Variants in KAZN observed in about 807,000 individuals in gnomAD.
KAZN encodes kazrin.
KAZN carries 40 observed loss-of-function variants against 87.4 expected under a neutral mutation model. The ratio of observed to expected loss-of-function variants is 0.46; its 90% confidence interval spans 0.36 to 0.60. The LOEUF (loss-of-function observed/expected upper bound fraction) is 0.60. Among genes scored for constraint, KAZN ranks in the 20% least tolerant of loss-of-function variants. The pLI is 0.00. For missense variants in KAZN, 898 were observed against 1,073.9 expected, an observed-to-expected ratio of 0.84 and a Z score of 2.29; for synonymous variants, 466 against 458.3, an observed-to-expected ratio of 1.02 and a Z score of -0.22.
At chr1:14,031,752 C>T (rs1009957215) in intron 1 of KAZN, among the ~76,000 whole-genome samples, 2 of 152,188 alleles carry the variant, frequency 1.3e-5, no homozygotes, top group South Asian at 4.1e-4. Context: ...TTTCTTGAGA[C>T]TCTGCTTCAA....
intron 1 of KAZN, among the ~76,000 whole-genome samples, chr1:14,120,060 ATATTGTAT>A (rs1644717962): frequency 6.6e-6 from 1 of 152,196 alleles, no homozygotes; most frequent in Non-Finnish European, 1.5e-5. Context: ...TTTCCTGTGT[ATATTGTAT>A]TAATCCGTTC....
At position 15,056,580 on chromosome 1, in the gene KAZN, C is replaced by G. The variant is rs560996952; in HGVS notation, c.916+300C>G. 5.3e-5 allele frequency among the ~76,000 whole-genome samples: 8 copies of G among 152,288 alleles called. No homozygotes were observed. Among genetic ancestry groups the G allele is most frequent in the Admixed American group, 2.0e-4 (3 of 15,302 alleles). ...AGCAAGAAAGTAAAATAGTCCCCTG[C>G]AGTTCCAGATGTTTAAGACCCTCAC... On this transcript the variant is annotated intron_variant, in intron 5 of 14. Transcript: ENST00000376030. This position sits in a 1 kb window ranked among gnomAD's most constrained non-coding sequence, Gnocchi z 5.4.
intron 14 of KAZN, 67 bp downstream of exon 14, chr1:15,112,608 G>A (rs530811755): frequency 2.9e-4 from 110 of 380,674 alleles, no homozygotes; most frequent in African/African-American, 1.2e-3. Flanking sequence ...TTCTCCTCCC[G>A]GGAGCTCTGT....
intron 1 of KAZN, among the ~76,000 whole-genome samples, chr1:13,946,311 C>T (rs920768510): frequency 3.3e-5 from 5 of 152,166 alleles, no homozygotes; most frequent in African/African-American, 7.2e-5. Context: ...TGCATAGAGG[C>T]GAAGAGTTGC....
intron 1 of KAZN, among the ~76,000 whole-genome samples, chr1:14,685,186 G>A (rs1392764498): frequency 6.6e-6 from 1 of 152,226 alleles, no homozygotes; most frequent in Non-Finnish European, 1.5e-5. Context: ...ACTCAAGGGT[G>A]AGTTTCCATG....
chr1:14,574,213 G>A (rs191219989), intron 2 of KAZN, among the ~76,000 whole-genome samples: 6 of 152,264 alleles, frequency 3.9e-5, no homozygotes, highest in African/African-American at 1.4e-4. Context: ...TGTATAGCTT[G>A]GGGAAGTTGA....
At chr1:13,902,149 G>A (rs993282797) in intron 1 of KAZN, among the ~76,000 whole-genome samples, 2 of 152,240 alleles carry the variant, frequency 1.3e-5, no homozygotes, top group Non-Finnish European at 2.9e-5. Flanking sequence ...CTCTGGATTT[G>A]GTGAGATAAT....
At chr1:14,757,387 G>A (rs572906999) in intron 1 of KAZN, among the ~76,000 whole-genome samples, 8 of 152,256 alleles carry the variant, frequency 5.3e-5, no homozygotes, top group Non-Finnish European at 7.3e-5. Flanking sequence ...GGAATGTACT[G>A]GAAAGAACAA....
intron 2 of KAZN, among the ~76,000 whole-genome samples, chr1:14,999,806 C>G (rs1668284812): frequency 6.6e-6 from 1 of 152,228 alleles, no homozygotes; most frequent in Non-Finnish European, 1.5e-5. Flanking sequence ...TGCCCTGGGC[C>G]TCCCCACCTC....
At chr1:14,276,487 T>C (rs1652367790) in intron 2 of KAZN, among the ~76,000 whole-genome samples, 1 of 152,170 alleles carries the variant, frequency 6.6e-6, no homozygotes, top group South Asian at 2.1e-4. Context: ...GCTGGAAGTC[T>C]GAAATCAAGG....
At chr1:13,990,550 G>T (rs1377899986) in intron 1 of KAZN, among the ~76,000 whole-genome samples, 1 of 152,154 alleles carries the variant, frequency 6.6e-6, no homozygotes, top group African/African-American at 2.4e-5. Flanking sequence ...GCTGAGAGGG[G>T]ACACGCGGGA....
intron 1 of KAZN, among the ~76,000 whole-genome samples, chr1:14,089,221 T>C (rs1643919230): frequency 6.6e-6 from 1 of 151,844 alleles, no homozygotes; most frequent in Non-Finnish European, 1.5e-5. Context: ...TGTAGATGGG[T>C]CTTGCCGTTT....
At chr1:14,442,007 G>A (rs1666733892) in intron 2 of KAZN, among the ~76,000 whole-genome samples, 1 of 152,174 alleles carries the variant, frequency 6.6e-6, no homozygotes, top group Non-Finnish European at 1.5e-5. Context: ...CACTACACAA[G>A]GGAACCCAGC....
intron 1 of KAZN, among the ~76,000 whole-genome samples, chr1:14,117,557 C>T (rs1644653889): frequency 6.6e-6 from 1 of 152,004 alleles, no homozygotes; most frequent in Non-Finnish European, 1.5e-5. Context: ...TCCCAAAGGC[C>T]CCACCTCCAA....
chr1:14,022,983 T>C (rs767675467), intron 1 of KAZN, among the ~76,000 whole-genome samples: 3 of 152,150 alleles, frequency 2.0e-5, no homozygotes, highest in Non-Finnish European at 4.4e-5. Context: ...TCCCACCTGG[T>C]ATGATTCTTA....
At chr1:15,062,325 G>A (rs568332871) in intron 6 of KAZN, 34 of 152,772 alleles carry the variant, frequency 2.2e-4, no homozygotes, top group African/African-American at 7.9e-4. Flanking sequence ...CCTATCCAGA[G>A]TGGAACTATC....
intron 1 of KAZN, among the ~76,000 whole-genome samples, chr1:13,967,699 A>G (rs1161036023): frequency 6.6e-6 from 1 of 152,160 alleles, no homozygotes; most frequent in Non-Finnish European, 1.5e-5. Context: ...CCATGGGTGG[A>G]GACTGGGGCA....
At chr1:14,437,500 G>T (rs539360962) in intron 2 of KAZN, among the ~76,000 whole-genome samples, 1 of 152,096 alleles carries the variant, frequency 6.6e-6, no homozygotes. Flanking sequence ...TTCTCACCTC[G>T]CCCCTGGCAG....
chr1:13,939,276 TGTAG>T (rs1318124833), intron 1 of KAZN, among the ~76,000 whole-genome samples: 5 of 152,252 alleles, frequency 3.3e-5, no homozygotes, highest in Admixed American at 3.3e-4. Context: ...TGCATCTGAG[TGTAG>T]GCCACATTTT....
Sources: gnomAD v4.1 joint callset for allele counts (sites outside exome capture counted in the v4.1 genomes callset) on GRCh38, gnomAD v4.1.1 for gene constraint, Gnocchi (gnomAD v3.1) non-coding constraint, MANE v1.5 for transcripts, NCBI Gene and HGNC (gene_info 2026-07-23, HGNC 2026-07-21) for gene names.